The following RYR3 variants were observed in gnomAD, a reference collection of about 807,000 sequenced individuals.
RYR3 encodes the protein ryanodine receptor 3, also known as brain ryanodine receptor-calcium release channel.
Under a neutral mutation model 584.3 loss-of-function variants are expected in RYR3, and 207 were observed. The observed-to-expected ratio is 0.35, with a 90% CI of 0.32 to 0.40. The LOEUF (loss-of-function observed/expected upper bound fraction) is 0.40, where lower values mean the gene tolerates loss of function less well. Ranked by LOEUF, RYR3 falls within the 10% of genes least tolerant of loss-of-function variation. The probability of loss-of-function intolerance (pLI) is 1.00; values close to 1 mark genes in which losing one functional copy is unlikely to be tolerated. For missense variants in RYR3, 5,616 were observed against 6,089.2 expected, an observed-to-expected ratio of 0.92 and a Z score of 2.59; for synonymous variants, 2,416 against 2,248.5, an observed-to-expected ratio of 1.07 and a Z score of -2.11.
At chr15:33,806,101 G>T (rs16958069) in intron 69 of RYR3, among the ~76,000 whole-genome samples, 86,896 of 151,828 alleles carry the variant, frequency 0.57, 25,110 homozygotes, top group Middle Eastern at 0.66. Context: ...TCATTGCTTC[G>T]GTTACCTTCT....
At chr15:33,722,521 ATAAC>A (rs1254134559) in intron 43 of RYR3, 190 bp from the exon 44 acceptor site, 10 of 599,988 alleles carry the variant, frequency 1.7e-5, no homozygotes, top group African/African-American at 1.5e-4. Flanking sequence ...AGTGGGGTTT[ATAAC>A]TAACTGACCA....
At chr15:33,527,368 G>A (rs1031163500) in intron 3 of RYR3, among the ~76,000 whole-genome samples, 6 of 152,126 alleles carry the variant, frequency 3.9e-5, no homozygotes, top group African/African-American at 1.4e-4. Context: ...ATCACTTGAG[G>A]TCAGGAGTTC....
At chr15:33,367,591 G>A (rs1415446723) in intron 1 of RYR3, among the ~76,000 whole-genome samples, 1 of 152,226 alleles carries the variant, frequency 6.6e-6, no homozygotes, top group Non-Finnish European at 1.5e-5. Flanking sequence ...GCTTTGGCTA[G>A]ATGAGAACCA....
At chr15:33,590,016 G>A (rs1346971198) in intron 16 of RYR3, among the ~76,000 whole-genome samples, 1 of 152,168 alleles carries the variant, frequency 6.6e-6, no homozygotes, top group East Asian at 1.9e-4. Context: ...GAGAGATAGG[G>A]GTGGGGCCAT....
chr15:33,807,839 C>G lies in RYR3; in HGVS notation c.10026+270C>G, dbSNP rs553064541. ...CTCTGCTCCCTTCTCCAGCTGCCCT[C>G]TCGGCAGCCACCACACTAACAGAGA... On this transcript the variant is annotated intron_variant, in intron 70 of 103. Transcript: ENST00000634891. 226 of 512,322 alleles carry G rather than the reference C, an allele frequency of 4.4e-4. 2 individuals carry two copies. Among genetic ancestry groups the G allele is most frequent in the Admixed American group, 2.7e-3 (85 of 31,018 alleles). 31.7% of individuals were successfully genotyped at this position (512,322 alleles called of 1,614,324 possible). A position where few individuals can be genotyped will look rare whatever the true frequency, so the allele number is the denominator to read the frequency against.
rs536636264 is a variant in RYR3, at chr15:33,672,237, G to T, written c.5860+1681G>T. The stretch of plus-strand genomic sequence containing the variant: ...ATGAAGTCACTTGTCACCTGCCTCT[G>T]TGAAGCCTCCCCCTACATCTGTGAA... On this transcript the variant is annotated intron_variant, in intron 38 of 103. Coordinates refer to ENST00000634891, the MANE Select transcript of RYR3 (RefSeq NM_001036.6). 2.0e-5 allele frequency among the ~76,000 whole-genome samples: 3 copies of T among 152,284 alleles called. No individual in the cohort carries two copies. The East Asian group carries it at 5.8e-4, about 29-fold the overall frequency.
chr15:33,376,302 G>T (rs147821609), intron 1 of RYR3, among the ~76,000 whole-genome samples: 2 of 152,102 alleles, frequency 1.3e-5, no homozygotes, highest in Non-Finnish European at 2.9e-5. Flanking sequence ...TCAGTAGTTT[G>T]TTCCTTTTTA....
chr15:33,400,502 T>C (rs915206698), intron 1 of RYR3, among the ~76,000 whole-genome samples: 1 of 152,200 alleles, frequency 6.6e-6, no homozygotes, highest in Non-Finnish European at 1.5e-5. Flanking sequence ...TGAGCTCCTG[T>C]GTGATTTCCC....
At chr15:33,738,386 T>C (rs2069717884) in intron 49 of RYR3, 64 bp from the exon 50 acceptor site, 2 of 1,511,446 alleles carry the variant, frequency 1.3e-6, no homozygotes, top group East Asian at 2.4e-5. Flanking sequence ...CTCCTGCATG[T>C]TTTTGATGCC....
chr15:33,768,041 A>G (rs1055062607), intron 60 of RYR3, among the ~76,000 whole-genome samples: 5 of 152,230 alleles, frequency 3.3e-5, no homozygotes, highest in African/African-American at 1.2e-4. Flanking sequence ...ACAAAAATAT[A>G]CAACATGGGC....
At chr15:33,810,706 A>G in intron 71 of RYR3, 57 bp downstream of exon 71, 2 of 1,605,560 alleles carry the variant, frequency 1.2e-6, no homozygotes, top group Non-Finnish European at 1.7e-6. Flanking sequence ...AGTGATAAGC[A>G]TTCAGCCCCT....
At chr15:33,831,468 T>C (rs2077671408) in intron 86 of RYR3, among the ~76,000 whole-genome samples, 1 of 152,220 alleles carries the variant, frequency 6.6e-6, no homozygotes, top group Non-Finnish European at 1.5e-5. Context: ...AAATGATTCA[T>C]AGAATGAAGG....
At chr15:33,689,720 A>G (rs1373975252) in intron 38 of RYR3, among the ~76,000 whole-genome samples, 1 of 152,128 alleles carries the variant, frequency 6.6e-6, no homozygotes, top group East Asian at 1.9e-4. Flanking sequence ...TCTCTTCTCT[A>G]GTTTCTTTTG....
chr15:33,846,093 C>G (rs1182441497), intron 93 of RYR3, among the ~76,000 whole-genome samples: 1 of 152,250 alleles, frequency 6.6e-6, no homozygotes. Context: ...CTGTCTCCCT[C>G]TTTCTCTCCA....
chr15:33,788,579 C>G (rs1325832613), intron 67 of RYR3, 121 bp downstream of exon 67: 1 of 1,067,936 alleles, frequency 9.4e-7, no homozygotes. Flanking sequence ...ATAGCCGCCC[C>G]CACCATTCTC....
chr15:33,720,712 A>G lies in RYR3; in HGVS notation c.6620-2003A>G, dbSNP rs951730674. Reference sequence around the variant, plus strand: ...AACCCTGTCTTTACAAAAAAGTACAACAACAACAAAAATTAGCCAGTTGTG... The same window carrying G: ...AACCCTGTCTTTACAAAAAAGTACAGCAACAACAAAAATTAGCCAGTTGTG... On this transcript the variant is annotated intron_variant, in intron 43 of 103. Coordinates refer to ENST00000634891, the MANE Select transcript of RYR3 (RefSeq NM_001036.6). Among the ~76,000 whole-genome samples, 4 of 152,238 alleles carry G rather than the reference A, an allele frequency of 2.6e-5. 1 individual carries two copies. The highest frequency in any genetic ancestry group is 6.5e-5 in the Admixed American group (1 of 15,290).
At chr15:33,671,800 T>C (rs973976847) in intron 38 of RYR3, among the ~76,000 whole-genome samples, 2 of 121,092 alleles carry the variant, frequency 1.7e-5, no homozygotes, top group African/African-American at 5.6e-5. Flanking sequence ...TCCCACCTTC[T>C]TTTTCTTTTT....
chr15:33,809,147 CA>C (rs2152941805), intron 70 of RYR3, among the ~76,000 whole-genome samples: 1 of 152,254 alleles, frequency 6.6e-6, no homozygotes, highest in African/African-American at 2.4e-5. Context: ...TCTTCTCTTC[CA>C]AAAGCCTTTT....
intron 12 of RYR3, among the ~76,000 whole-genome samples, chr15:33,577,123 C>T (rs531256166): frequency 1.1e-4 from 17 of 151,930 alleles, no homozygotes; most frequent in South Asian, 4.2e-4. Context: ...TAGAGATGAC[C>T]GAAACAAATG....
Sources: gnomAD v4.1 joint callset for allele counts (sites outside exome capture counted in the v4.1 genomes callset) on GRCh38, gnomAD v4.1.1 for gene constraint, MANE v1.5 for transcripts, NCBI Gene and HGNC (gene_info 2026-07-23, HGNC 2026-07-21) for gene names.